ZNF362: variants seen among roughly 807,000 people sequenced by gnomAD.
ZNF362 encodes the protein rotund homolog.
A neutral mutation model predicts 42.9 loss-of-function variants in ZNF362; 11 were observed. The ratio of observed to expected loss-of-function variants is 0.26; its 90% confidence interval spans 0.16 to 0.42. The LOEUF is 0.42. Among genes scored for constraint, ZNF362 ranks in the 20% least tolerant of loss-of-function variants. The pLI is 1.00. For missense variants in ZNF362, 362 were observed against 576.2 expected, an observed-to-expected ratio of 0.63 and a Z score of 3.81; for synonymous variants, 255 against 257.3, an observed-to-expected ratio of 0.99 and a Z score of 0.09.
chr1:33,297,091 C>T (rs1054957025), intron 8 of ZNF362, among the ~76,000 whole-genome samples: 1 of 152,076 alleles, frequency 6.6e-6, no homozygotes, highest in Non-Finnish European at 1.5e-5. Flanking sequence ...GAGTCTGTAA[C>T]ATTTATTCTT....
chr1:33,251,699 T>G (rs1031356767), upstream of ZNF362, among the ~76,000 whole-genome samples: 2 of 152,186 alleles, frequency 1.3e-5, no homozygotes, highest in Non-Finnish European at 2.9e-5. Context: ...GTCAAACTCC[T>G]CCCTGCCCCA....
the ZNF362 span, among the ~76,000 whole-genome samples, chr1:33,244,737 T>C: frequency 1.3e-5 from 2 of 152,170 alleles, no homozygotes; most frequent in South Asian, 4.1e-4. The surrounding 1 kb of genome is among the most constrained non-coding windows in gnomAD (Gnocchi z 4.0). Flanking sequence ...AAAATGGAGA[T>C]CATGAGAGCT....
chr1:33,189,722 T>TATATATATATAC, the ZNF362 span, among the ~76,000 whole-genome samples: 82 of 102,940 alleles, frequency 8.0e-4, 3 homozygotes, highest in African/African-American at 3.2e-3. Context: ...TATATATACA[T>TATATATATATAC]ACACACATAC....
chr1:33,276,446 G>T lies in ZNF362; in HGVS notation c.201G>T (p.Gln67His). Reference sequence around the variant, plus strand: ...CGCCCACGTCGGCCTCGTCGCAGCAGCCGTTGCTAGTGCCGCCGGCACCCG... The same window carrying T: ...CGCCCACGTCGGCCTCGTCGCAGCATCCGTTGCTAGTGCCGCCGGCACCCG... ...HLPPTSASSQ[Q>H]PLLVPPAPAE... The change falls in exon 4 of 9, where the codon CAG (glutamine) becomes CAT (histidine). Residue 67 changes from glutamine to histidine, a missense_variant. Gln to His is a conservative substitution (Grantham distance 24). This residue lies in a region of ZNF362 where 266 missense variants were observed against 365.4 expected (regional missense o/e 0.73). Coordinates refer to ENST00000539719, the MANE Select transcript of ZNF362 (RefSeq NM_152493.3). 6.3e-7 allele frequency: 1 copy of T among 1,575,902 alleles called. No individual in the cohort carries two copies.
At chr1:33,226,418 C>T in the ZNF362 span, among the ~76,000 whole-genome samples, 1 of 152,130 alleles carries the variant, frequency 6.6e-6, no homozygotes, top group South Asian at 2.1e-4. Flanking sequence ...CAGCATTATT[C>T]ATAATAGCCT....
At chr1:33,292,537 T>A (rs1646086079) in intron 6 of ZNF362, among the ~76,000 whole-genome samples, 1 of 152,238 alleles carries the variant, frequency 6.6e-6, no homozygotes, top group African/African-American at 2.4e-5. Flanking sequence ...CTCTTTTTTT[T>A]GTTGTGTCTC....
At chr1:33,275,884 G>T (rs570087783) in intron 2 of ZNF362, among the ~76,000 whole-genome samples, 26 of 152,194 alleles carry the variant, frequency 1.7e-4, no homozygotes, top group Middle Eastern at 3.4e-3. Flanking sequence ...GCCCACTAAG[G>T]GGGGGTGGTG....
the ZNF362 span, among the ~76,000 whole-genome samples, chr1:33,189,659 A>G: frequency 3.8e-3 from 91 of 23,976 alleles, 3 homozygotes; most frequent in Middle Eastern, 0.043. Context: ...ATATATATAT[A>G]TATATATATA....
chr1:33,181,258 C>G, the ZNF362 span: 2 of 1,547,834 alleles, frequency 1.3e-6, no homozygotes, highest in South Asian at 1.2e-5. The surrounding 1 kb of genome is among the most constrained non-coding windows in gnomAD (Gnocchi z 6.5). Context: ...AGCGCGGGCT[C>G]GGCGAACGTG....
At chr1:33,228,276 A>T in the ZNF362 span, among the ~76,000 whole-genome samples, 1 of 152,054 alleles carries the variant, frequency 6.6e-6, no homozygotes, top group African/African-American at 2.4e-5. Context: ...CCAAGCCTGA[A>T]ACCCAGGAGT....
At chr1:33,277,289 A>C (rs1213237521) in intron 4 of ZNF362, among the ~76,000 whole-genome samples, 1 of 152,260 alleles carries the variant, frequency 6.6e-6, no homozygotes, top group Non-Finnish European at 1.5e-5. Flanking sequence ...AGGCAGAGAA[A>C]GGTAAAGCCA....
At chr1:33,268,745 T>C (rs1339942484) in intron 1 of ZNF362, among the ~76,000 whole-genome samples, 1 of 152,208 alleles carries the variant, frequency 6.6e-6, no homozygotes, top group Non-Finnish European at 1.5e-5. Context: ...TCAGTCTGGC[T>C]GGGCAGTGCA....
chr1:33,167,467 G>A, the ZNF362 span, among the ~76,000 whole-genome samples: 2 of 152,166 alleles, frequency 1.3e-5, no homozygotes, highest in Non-Finnish European at 2.9e-5. The surrounding 1 kb of genome is among the most constrained non-coding windows in gnomAD (Gnocchi z 4.2). Flanking sequence ...CTAGCCCATT[G>A]TATTATCGCC....
the ZNF362 span, among the ~76,000 whole-genome samples, chr1:33,238,381 T>TAAAATA: frequency 9.5e-6 from 1 of 105,530 alleles, no homozygotes; most frequent in African/African-American, 3.5e-5. Context: ...TAAAATAAAA[T>TAAAATA]AAATAAAATA....
At chr1:33,244,079 C>T in the ZNF362 span, among the ~76,000 whole-genome samples, 1 of 152,292 alleles carries the variant, frequency 6.6e-6, no homozygotes, top group South Asian at 2.1e-4. This position sits in a 1 kb window ranked among gnomAD's most constrained non-coding sequence, Gnocchi z 4.0. Context: ...CCTGTGTAAT[C>T]ACTATGATGT....
At chr1:33,228,688 C>G in the ZNF362 span, among the ~76,000 whole-genome samples, 1 of 152,146 alleles carries the variant, frequency 6.6e-6, no homozygotes, top group African/African-American at 2.4e-5. Flanking sequence ...CTCAGTGTGA[C>G]TCTGCCACTC....
chr1:33,215,674 A>G, the ZNF362 span, among the ~76,000 whole-genome samples: 1 of 152,186 alleles, frequency 6.6e-6, no homozygotes, highest in African/African-American at 2.4e-5. Context: ...TTAAAAATTT[A>G]AAAATCAATA....
At chr1:33,256,777 C>T (rs988153455) in intron 1 of ZNF362, 123 bp downstream of exon 1, 2 of 145,562 alleles carry the variant, frequency 1.4e-5, no homozygotes, top group African/African-American at 2.5e-5. Flanking sequence ...CAGCGCGGGC[C>T]GGGGCGCTCC....
chr1:33,168,910 G>A, the ZNF362 span, among the ~76,000 whole-genome samples: 1 of 152,200 alleles, frequency 6.6e-6, no homozygotes, highest in Admixed American at 6.5e-5. Flanking sequence ...AACTGCCTTG[G>A]AGTCTGCCTT....
Sources: gnomAD v4.1 joint callset for allele counts (sites outside exome capture counted in the v4.1 genomes callset) on GRCh38, gnomAD v4.1.1 for gene constraint, gnomAD v4.1.1 regional missense constraint, Gnocchi (gnomAD v3.1) non-coding constraint, MANE v1.5 for transcripts, NCBI Gene and HGNC (gene_info 2026-07-23, HGNC 2026-07-21) for gene names.